Variants in RAB6A observed in about 807,000 individuals in gnomAD.
RAB6A encodes RAB6A, member RAS oncogene family.
RAB6A carries 8 observed loss-of-function variants against 32.3 expected under a neutral mutation model. The ratio of observed to expected loss-of-function variants is 0.25; its 90% confidence interval spans 0.15 to 0.45. RAB6A has a LOEUF of 0.45. Ranked by LOEUF, RAB6A falls within the 20% of genes least tolerant of loss-of-function variation. The pLI is 1.00. For synonymous variants in RAB6A, 73 were observed against 82.1 expected, an observed-to-expected ratio of 0.89 and a Z score of 0.60; for missense variants, 104 against 249.4, an observed-to-expected ratio of 0.42 and a Z score of 3.93.
intron 1 of RAB6A, among the ~76,000 whole-genome samples, chr11:73,742,694 C>T (rs1946517619): frequency 1.3e-5 from 2 of 152,190 alleles, no homozygotes; most frequent in Middle Eastern, 6.8e-3. Context: ...GCCTATAATC[C>T]CAGTACTTGG....
At chr11:73,713,019 T>C (rs996919033) in intron 5 of RAB6A, among the ~76,000 whole-genome samples, 1 of 152,170 alleles carries the variant, frequency 6.6e-6, no homozygotes, top group Non-Finnish European at 1.5e-5. Context: ...GCCAGATTTT[T>C]CTTTTACTAT....
intron 1 of RAB6A, among the ~76,000 whole-genome samples, chr11:73,757,247 G>GA (rs1470016316): frequency 1.5e-5 from 2 of 137,398 alleles, no homozygotes; most frequent in African/African-American, 2.7e-5. Context: ...AGGTTCAAGC[G>GA]ATTCTCCTGC....
At chr11:73,696,081 C>T (rs1273052317) in intron 6 of RAB6A, among the ~76,000 whole-genome samples, 1 of 152,196 alleles carries the variant, frequency 6.6e-6, no homozygotes, top group Admixed American at 6.5e-5. Context: ...AACTAAGCTA[C>T]TCAGTTTTAC....
chr11:73,705,715 CACTT>C (rs1485716491), intron 6 of RAB6A, among the ~76,000 whole-genome samples: 2 of 150,998 alleles, frequency 1.3e-5, no homozygotes, highest in Non-Finnish European at 2.9e-5. Context: ...AGTTACGTAT[CACTT>C]ACTACGTTCC....
Position 73,731,975 on chromosome 11 carries a change from G to C in RAB6A, c.71-1152C>G, listed in dbSNP as rs545396990. On this transcript the variant is annotated intron_variant, in intron 1 of 7. Transcript: ENST00000336083. ...AGGATGGTCTTGATCTCTTGACCCT[G>C]TGATTCGCCCGCCTCGGCCTCCCAA... Among the ~76,000 whole-genome samples, 3 of 151,240 alleles carry C rather than the reference G, an allele frequency of 2.0e-5. No homozygotes were observed. The South Asian group carries it at 6.3e-4, about 32-fold the overall frequency.
chr11:73,736,809 G>GAAAAAAAAAAA lies in RAB6A; in HGVS notation c.71-5997_71-5987dup, dbSNP rs756237159. ...TTCATCTCGAGAAAGAAAAAAAAAA[G>GAAAAAAAAAAA]AAAAAAAAAAAAAAAAACAATTAGC... On this transcript the variant is annotated intron_variant, in intron 1 of 7. Transcript: ENST00000336083. Among the ~76,000 whole-genome samples the GAAAAAAAAAAA allele has an allele frequency of 5.0e-4, 54 of 108,744 alleles. 1 individual carries two copies. The highest frequency in any genetic ancestry group is 1.6e-3 in the African/African-American group (43 of 26,628). 71.3% of individuals were successfully genotyped at this position (108,744 alleles called of 152,430 possible). A position where few individuals can be genotyped will look rare whatever the true frequency, so the allele number is the denominator to read the frequency against.
At chr11:73,724,907 T>A in intron 2 of RAB6A, among the ~76,000 whole-genome samples, 1 of 152,226 alleles carries the variant, frequency 6.6e-6, no homozygotes, top group African/African-American at 2.4e-5. Flanking sequence ...ATTTGTTCAC[T>A]GCAGTATGCT....
intron 1 of RAB6A, among the ~76,000 whole-genome samples, chr11:73,751,023 T>C (rs1237208723): frequency 6.6e-6 from 1 of 152,096 alleles, no homozygotes; most frequent in Non-Finnish European, 1.5e-5. Flanking sequence ...CAGGCTGGTC[T>C]CCAACTCCTG....
At chr11:73,728,742 G>A (rs1946262660) in intron 2 of RAB6A, among the ~76,000 whole-genome samples, 1 of 151,636 alleles carries the variant, frequency 6.6e-6, no homozygotes, top group Non-Finnish European at 1.5e-5. Context: ...TATATTCATA[G>A]GGGATATTGG....
intron 3 of RAB6A, among the ~76,000 whole-genome samples, chr11:73,719,461 T>C (rs914285688): frequency 7.9e-5 from 12 of 151,420 alleles, no homozygotes; most frequent in Admixed American, 2.0e-4. Flanking sequence ...CATGCACGCG[T>C]GTGTGTGTAT....
At chr11:73,678,020 ACTAG>A (rs1263015857) in intron 7 of RAB6A, 58 bp from the exon 8 acceptor site, 1 of 1,560,056 alleles carries the variant, frequency 6.4e-7, no homozygotes. Context: ...TCTTCCAAAC[ACTAG>A]CATTTCTGGG....
chr11:73,708,159 A>G (rs1049744941), intron 5 of RAB6A, among the ~76,000 whole-genome samples: 1 of 152,022 alleles, frequency 6.6e-6, no homozygotes, highest in African/African-American at 2.4e-5. Context: ...TCATTTCCTT[A>G]GGTTAGATTT....
At chr11:73,723,060 C>T (rs564354281) in intron 2 of RAB6A, among the ~76,000 whole-genome samples, 1 of 152,118 alleles carries the variant, frequency 6.6e-6, no homozygotes, top group East Asian at 2.0e-4. Flanking sequence ...CCCCCGACCT[C>T]GGCCTCCCAA....
chr11:73,720,700 C>A (rs1946122775), intron 3 of RAB6A, 146 bp downstream of exon 3: 3 of 630,058 alleles, frequency 4.8e-6, no homozygotes, highest in Non-Finnish European at 8.3e-6. Flanking sequence ...ACTACTCACT[C>A]GGTAATAAGA....
intron 1 of RAB6A, among the ~76,000 whole-genome samples, chr11:73,735,163 ACT>A (rs1946374979): frequency 1.3e-5 from 2 of 151,976 alleles, no homozygotes; most frequent in East Asian, 1.9e-4. Context: ...CTAATTACAC[ACT>A]CTTGCAATTC....
chr11:73,701,100 A>G (rs975501736), intron 6 of RAB6A, among the ~76,000 whole-genome samples: 17 of 152,192 alleles, frequency 1.1e-4, no homozygotes, highest in African/African-American at 3.9e-4. Flanking sequence ...GTAAATGAGG[A>G]AATGGGGAAG....
At chr11:73,685,809 G>A (rs1203863353) in intron 6 of RAB6A, among the ~76,000 whole-genome samples, 1 of 147,762 alleles carries the variant, frequency 6.8e-6, no homozygotes, top group African/African-American at 2.5e-5. Context: ...CGCTTGAACC[G>A]GGGAGGTGGA....
chr11:73,749,226 T>C (rs1353754270), intron 1 of RAB6A, among the ~76,000 whole-genome samples: 1 of 151,696 alleles, frequency 6.6e-6, no homozygotes, highest in Admixed American at 6.6e-5. Context: ...TTGGACGGAG[T>C]TGGAGACCAT....
chr11:73,701,487 C>T lies in RAB6A; in HGVS notation c.495+5933G>A, dbSNP rs79287738. Among the ~76,000 whole-genome samples the T allele has an allele frequency of 5.9e-5, 9 of 152,220 alleles. No individual in the cohort carries two copies. The East Asian group carries it at 9.7e-4, about 16-fold the overall frequency. ...TCAGAAGAGATCAGAGATTATTTCA[C>T]GATAATCAGTTTTATTTCCTTTATC... On this transcript the variant is annotated intron_variant, in intron 6 of 7. Coordinates refer to ENST00000336083, the MANE Select transcript of RAB6A (RefSeq NM_198896.2).
Sources: gnomAD v4.1 joint callset for allele counts (sites outside exome capture counted in the v4.1 genomes callset) on GRCh38, gnomAD v4.1.1 for gene constraint, MANE v1.5 for transcripts, NCBI Gene and HGNC (gene_info 2026-07-23, HGNC 2026-07-21) for gene names.